Variants in RFXANK observed in about 807,000 individuals in gnomAD.
RFXANK encodes the protein regulatory factor X associated ankyrin containing protein.
In RFXANK, 19 loss-of-function variants were observed where a neutral mutation model predicts 34.5. The ratio of observed to expected loss-of-function variants is 0.55; its 90% CI spans 0.38 to 0.81. RFXANK has a LOEUF of 0.81. RFXANK is among the 30% of genes least tolerant of loss of function. The pLI is 0.00. For synonymous variants in RFXANK, 154 were observed against 149.8 expected (o/e 1.03, Z -0.20); for missense variants, 295 against 343.5 (o/e 0.86, Z 1.12).
rs1408021557 is a variant in RFXANK, at chr19:19,192,328, G to A, written c.-376G>A. 9 of 632,466 alleles carry A rather than the reference G, an allele frequency of 1.4e-5. No homozygotes were observed. The East Asian group carries it at 2.3e-4, about 16-fold the overall frequency. 39.2% of individuals were successfully genotyped at this position (632,466 alleles called of 1,614,324 possible). On this transcript the variant is annotated 5_prime_UTR_variant, in exon 1 of 10. Coordinates refer to ENST00000303088, the MANE Select transcript of RFXANK (RefSeq NM_003721.4). Reference sequence around the variant, plus strand: ...ACACCCGGGGGTGGCGCAGTGAGGAGGGGGCGCGACGGCCAGGAGGCTGGT... The same window carrying A: ...ACACCCGGGGGTGGCGCAGTGAGGAAGGGGCGCGACGGCCAGGAGGCTGGT...
In RFXANK at chr19:19,198,715, C is replaced by A; in HGVS notation, c.623C>A (p.Ala208Asp). 6.2e-7 allele frequency: 1 copy of A among 1,613,994 alleles called. No individual in the cohort carries two copies. The highest frequency in any genetic ancestry group is 1.3e-5 in the African/African-American group (1 of 75,072). ...GGGAACCACGTGAAATGCGTTGAGG[C>A]CTTGCTGGGTGAGTGGGAGTCGGGA... Reference protein sequence around the residue: ...VRGNHVKCVEALLARGADLTT... With the variant: ...VRGNHVKCVEDLLARGADLTT... The change falls in exon 8 of 10, where the codon GCC becomes GAC. Residue 208 changes from alanine (A) to aspartate (D), a missense_variant. By Grantham distance (126) the Ala-to-Asp change is moderately radical. Transcript: ENST00000303088.
Position 19,198,648 on chromosome 19 carries a change from C to A in RFXANK, c.565-9C>A. On this transcript the variant is annotated splice_polypyrimidine_tract_variant and intron_variant, in intron 7 of 9. Transcript: ENST00000303088. The stretch of plus-strand genomic sequence containing the variant: ...AACCTTTGGTTTCTCCTGCCCCTAC[C>A]CACGACAGAATGGAGGGACGCCACT... 1.2e-6 allele frequency: 2 copies of A among 1,613,244 alleles called. No individual in the cohort carries two copies. The highest frequency in any genetic ancestry group is 1.1e-5 in the South Asian group (1 of 91,082).
Position 19,198,677 on chromosome 19 carries a change from G to C in RFXANK, c.585G>C (p.Leu195=), listed in dbSNP as rs756813171. 1.2e-6 allele frequency: 2 copies of C among 1,613,862 alleles called. No homozygotes were observed. The highest frequency in any genetic ancestry group is 8.5e-7 in the Non-Finnish European group (1 of 1,180,050). ...GACAGAATGGAGGGACGCCACTGCT[G>C]TACGCTGTGCGCGGGAACCACGTGA... is the stretch of plus-strand genomic sequence containing the variant. The part of the protein sequence containing the change: ...IYDWNGGTPL[L]YAVRGNHVKC... Residue 195 remains leucine (L), a synonymous_variant, in exon 8 of 10, where the codon CTG becomes CTC. Transcript: ENST00000303088.
At chr19:19,193,780 A>G (rs2060542758) in intron 2 of RFXANK, among the ~76,000 whole-genome samples, 159 bp from the exon 3 acceptor site, 2 of 152,280 alleles carry the variant, frequency 1.3e-5, no homozygotes, top group South Asian at 4.1e-4. Flanking sequence ...AGACCTCGAA[A>G]GCAGTTGGAC....
Position 19,196,815 on chromosome 19 carries a change from A to T in RFXANK, c.188-148A>T, listed in dbSNP as rs557592641. On this transcript the variant is annotated intron_variant, in intron 3 of 9. Coordinates refer to ENST00000303088, the MANE Select transcript of RFXANK (RefSeq NM_003721.4). ...AGGAGGCAGAGGTTGCAGTGAGCCGAGATCACGCCACTGTACTCCAGCCTG... is the reference window on the plus strand; with the variant it reads ...AGGAGGCAGAGGTTGCAGTGAGCCGTGATCACGCCACTGTACTCCAGCCTG... The T allele has an allele frequency of 6.5e-6, 5 of 772,022 alleles. No homozygotes were observed. In the African/African-American group the frequency reaches 8.5e-5, roughly 13 times the overall value. The allele number at this position is 772,022 out of a possible 1,614,324, so 47.8% of individuals were successfully genotyped here.
intron 9 of RFXANK, chr19:19,200,909 C>T (rs972004336): frequency 6.1e-6 from 1 of 163,022 alleles, no homozygotes; most frequent in Non-Finnish European, 1.3e-5. Context: ...AGCAATTCTC[C>T]TGCCTCAGCC....
chr19:19,196,111 T>C (rs977005943), intron 3 of RFXANK, among the ~76,000 whole-genome samples: 2 of 152,168 alleles, frequency 1.3e-5, no homozygotes, highest in Admixed American at 6.6e-5. Flanking sequence ...TGCACCTACT[T>C]GACCCCCGAC....
rs780122862 is a variant in RFXANK, at chr19:19,199,229, G to C, written c.707G>C (p.Arg236Pro). 1 of 1,614,080 alleles carries C rather than the reference G, an allele frequency of 6.2e-7. No individual in the cohort carries two copies. Among genetic ancestry groups the C allele is most frequent in the South Asian group, 1.1e-5 (1 of 91,084 alleles). Residue 236 changes from arginine to proline, a missense_variant, in exon 9 of 10, where the codon CGG becomes CCG. Coordinates refer to ENST00000303088, the MANE Select transcript of RFXANK (RefSeq NM_003721.4). Reference protein sequence around the residue: ...PMDLAVALGYRKVQQVIENHI... With the variant: ...PMDLAVALGYPKVQQVIENHI... ...GACCTTGCCGTGGCCCTGGGATACC[G>C]GAAAGGTCAGCCTGAGACACACAGA...
At position 19,199,191 on chromosome 19, in the gene RFXANK, C is replaced by A. The variant is rs373613617; in HGVS notation, c.669C>A (p.Gly223=). The change falls in exon 9 of 10, where the codon GGC becomes GGA. Residue 223 remains glycine, a synonymous_variant. Coordinates refer to ENST00000303088, the MANE Select transcript of RFXANK (RefSeq NM_003721.4). ...GADLTTEADS[G]YTPMDLAVAL... is the part of the protein sequence containing the mutation. ...ACCTCACCACCGAAGCCGACTCTGG[C>A]TACACCCCGATGGACCTTGCCGTGG... 7 of 1,613,934 alleles carry A rather than the reference C, an allele frequency of 4.3e-6. No homozygotes were observed. In the African/African-American group the frequency reaches 9.3e-5, roughly 22 times the overall value.
At chr19:19,201,318 T>C in intron 9 of RFXANK, 2 of 705,434 alleles carry the variant, frequency 2.8e-6, no homozygotes, top group Non-Finnish European at 4.7e-6. Context: ...GCTCAAGCAG[T>C]CCTCCCCACT....
intron 4 of RFXANK, 62 bp downstream of exon 4, chr19:19,197,108 G>A: frequency 3.1e-6 from 5 of 1,611,464 alleles, no homozygotes; most frequent in African/African-American, 2.7e-5. Context: ...CCTGTGAGGA[G>A]CAATCGTGGA....
In RFXANK at chr19:19,198,181, C is replaced by T. The variant is rs770409327; in HGVS notation, c.513C>T (p.Asp171=). The T allele has an allele frequency of 3.7e-6, 6 of 1,614,192 alleles. No individual in the cohort carries two copies. The highest frequency in any genetic ancestry group is 4.2e-6 in the Non-Finnish European group (5 of 1,180,034). ...TGGCCAGCACAGGCGGCTACACAGA[C>T]ATTGTGGGGCTGCTGCTGGAGCGTG... ...LSLASTGGYT[D]IVGLLLERDV... Residue 171 remains aspartate (D), a synonymous_variant, in exon 7 of 10, where the codon GAC becomes GAT. Coordinates refer to ENST00000303088, the MANE Select transcript of RFXANK (RefSeq NM_003721.4).
intron 7 of RFXANK, 42 bp downstream of exon 7, chr19:19,198,274 C>T (rs2060637250): frequency 1.2e-6 from 2 of 1,612,646 alleles, no homozygotes; most frequent in East Asian, 2.2e-5. Context: ...GCCTCCTGGC[C>T]TTCATTCCTG....
chr19:19,194,235 G>C, intron 3 of RFXANK, 102 bp downstream of exon 3: 1 of 1,332,310 alleles, frequency 7.5e-7, no homozygotes. Flanking sequence ...GTTTTGTTTT[G>C]TTTTGTTGTT....
rs777559387 is a variant in RFXANK at position 19,193,958 on chromosome 19, C to T, written c.12C>T (p.Thr4=). The T allele has an allele frequency of 6.2e-7, 1 of 1,614,174 alleles. No homozygotes were observed. The highest frequency in any genetic ancestry group is 1.1e-5 in the South Asian group (1 of 91,088). Residue 4 remains threonine, a synonymous_variant, in exon 3 of 10, where the codon ACC becomes ACT. Coordinates refer to ENST00000303088, the MANE Select transcript of RFXANK (RefSeq NM_003721.4). ...CGCCAGCTTTCCCCATGGAGCTTAC[C>T]CAGCCTGCAGAAGACCTCATCCAGA... MEL[T]QPAEDLIQTQ...
chr19:19,195,737 ATTTTTTT>A (rs61553021), intron 3 of RFXANK, among the ~76,000 whole-genome samples: 46 of 105,686 alleles, frequency 4.4e-4, no homozygotes, highest in Admixed American at 1.2e-3. Flanking sequence ...CTGCTTTTAA[ATTTTTTT>A]TTTTTTTTTT....
At chr19:19,199,069 G>T (rs2060651763) in intron 8 of RFXANK, 85 bp from the exon 9 acceptor site, 4 of 1,297,108 alleles carry the variant, frequency 3.1e-6, no homozygotes, top group Admixed American at 3.4e-5. Flanking sequence ...GGGGAATGAG[G>T]GGTGCCATGG....
chr19:19,193,505 A>G (rs1599772590), intron 2 of RFXANK, among the ~76,000 whole-genome samples: 1 of 126,574 alleles, frequency 7.9e-6, no homozygotes, highest in Non-Finnish European at 1.6e-5. Flanking sequence ...CGCAACCTCC[A>G]CCTCCCGAGT....
intron 9 of RFXANK, 26 bp from the exon 10 acceptor site, chr19:19,201,623 C>T (rs755199376): frequency 1.2e-6 from 2 of 1,613,908 alleles, no homozygotes; most frequent in Non-Finnish European, 1.7e-6. Flanking sequence ...AAGCTCACAG[C>T]CCACCTTTTC....
Sources: gnomAD v4.1 joint callset for allele counts (sites outside exome capture counted in the v4.1 genomes callset) on GRCh38, gnomAD v4.1.1 for gene constraint, MANE v1.5 for transcripts, NCBI Gene and HGNC (gene_info 2026-07-23, HGNC 2026-07-21) for gene names.